The following DCST1 variants were observed in gnomAD, a reference collection of about 807,000 sequenced individuals.
DCST1 encodes DC-STAMP domain containing 1.
Under a neutral mutation model 89.1 loss-of-function variants are expected in DCST1, and 78 were observed. The ratio of observed to expected loss-of-function variants is 0.88; its 90% CI spans 0.73 to 1.06. DCST1 has a LOEUF of 1.06. Among genes scored for constraint, DCST1 ranks in the 50% least tolerant of loss-of-function variants. DCST1 has a pLI of 0.00. For synonymous variants in DCST1, 364 were observed against 371.9 expected (o/e 0.98, Z 0.24); for missense variants, 900 against 928.6 (o/e 0.97, Z 0.40).
chr1:155,047,655 C>T, intron 14 of DCST1, 132 bp from the exon 15 acceptor site: 1 of 776,346 alleles, frequency 1.3e-6, no homozygotes, highest in Non-Finnish European at 2.1e-6. Context: ...GGCAGTTCTG[C>T]AGTGAGGGGC....
intron 9 of DCST1, 23 bp downstream of exon 9, chr1:155,042,879 G>C: frequency 1.2e-6 from 2 of 1,613,720 alleles, no homozygotes; most frequent in Non-Finnish European, 1.7e-6. Context: ...GGCGAGGGTT[G>C]GTGGGGGGTA....
chr1:155,041,322 G>A, intron 6 of DCST1, 75 bp from the exon 7 acceptor site: 2 of 1,497,094 alleles, frequency 1.3e-6, no homozygotes, highest in Non-Finnish European at 1.8e-6. Context: ...GCTACTGGGG[G>A]AGGACAGGCC....
rs769775066 is a variant in DCST1 at position 155,041,686 on chromosome 1, C to G, written c.749-28C>G. 1.4e-5 allele frequency: 22 copies of G among 1,614,016 alleles called. No homozygotes were observed. In the Admixed American group the frequency reaches 2.7e-4, roughly 20 times the overall value. ...AGCATTGTGGATCAAGATGTGGGAA[C>G]CTCAGACACCCTTGCTCCTTCCTAC... On this transcript the variant is annotated intron_variant, in intron 7 of 16. Transcript: ENST00000295542.
At chr1:155,050,286 A>G (rs564478713) in intron 16 of DCST1, among the ~76,000 whole-genome samples, 146 of 152,360 alleles carry the variant, frequency 9.6e-4, no homozygotes, top group Middle Eastern at 3.4e-3. Flanking sequence ...TCTCAACTGT[A>G]AAGTGGGGAT....
intron 16 of DCST1, among the ~76,000 whole-genome samples, chr1:155,048,528 G>C (rs1273887754): frequency 2.0e-5 from 3 of 152,166 alleles, no homozygotes; most frequent in African/African-American, 7.2e-5. Flanking sequence ...TCAAACTCCT[G>C]ACCTCAGGTG....
Position 155,040,493 on chromosome 1 carries a change from G to A in DCST1, c.400G>A (p.Ala134Thr), listed in dbSNP as rs573200796. 4.4e-5 allele frequency: 71 copies of A among 1,599,376 alleles called. No individual in the cohort carries two copies. In the East Asian group the frequency reaches 1.5e-3, roughly 34 times the overall value. Residue 134 changes from alanine (A) to threonine (T), a missense_variant, in exon 6 of 17, where the codon GCC becomes ACC. By Grantham distance (58) the Ala-to-Thr change is moderately conservative. Transcript: ENST00000295542. ...ALAAIYVGPV[A>T]NLRHNLNNVI... ...AGGGCCTCTTTCTCCAGGGCCAGTA[G>A]CCAATCTGCGACACAATCTCAACAA... is the stretch of plus-strand genomic sequence containing the variant.
Position 155,041,458 on chromosome 1 carries a change from A to T in DCST1, c.593A>T (p.Asp198Val). Residue 198 changes from aspartate to valine, a missense_variant, in exon 7 of 17, where the codon GAT becomes GTT. Physicochemically the swap from Asp to Val is radical, Grantham distance 152 (BLOSUM62 -3). Coordinates refer to ENST00000295542, the MANE Select transcript of DCST1 (RefSeq NM_152494.4). Reference sequence around the variant, plus strand: ...ATCTCCGCCACTTTTGAGGACCTGGATGCCCAGGTGAATAGTGAGACGGGC... The same window carrying T: ...ATCTCCGCCACTTTTGAGGACCTGGTTGCCCAGGTGAATAGTGAGACGGGC... The part of the protein sequence containing the change: ...RNISATFEDL[D>V]AQVNSETGYT... 6.2e-7 allele frequency: 1 copy of T among 1,614,054 alleles called. No homozygotes were observed. Among genetic ancestry groups the T allele is most frequent in the Non-Finnish European group, 8.5e-7 (1 of 1,180,020 alleles).
chr1:155,036,898 G>T (rs1369695308), intron 4 of DCST1, among the ~76,000 whole-genome samples: 1 of 152,346 alleles, frequency 6.6e-6, no homozygotes, highest in Non-Finnish European at 1.5e-5. Flanking sequence ...GAGTGCACAC[G>T]TCCGTGCCCT....
intron 8 of DCST1, among the ~76,000 whole-genome samples, chr1:155,042,226 G>A (rs1338399032): frequency 2.0e-5 from 3 of 152,100 alleles, no homozygotes; most frequent in South Asian, 4.1e-4. Context: ...AGCCTCCTGA[G>A]TAGCTGGGAT....
intron 4 of DCST1, among the ~76,000 whole-genome samples, chr1:155,038,149 G>C (rs2102352303): frequency 6.6e-6 from 1 of 152,372 alleles, no homozygotes; most frequent in Non-Finnish European, 1.5e-5. Flanking sequence ...AGTGCTCCTG[G>C]CAGGGGGAAC....
chr1:155,040,222 G>C (rs1436819021), intron 5 of DCST1, among the ~76,000 whole-genome samples: 1 of 149,868 alleles, frequency 6.7e-6, no homozygotes, highest in Non-Finnish European at 1.5e-5. Flanking sequence ...AGAATCGCTT[G>C]AGCCCGGGAG....
At chr1:155,038,516 G>A (rs984872265) in intron 4 of DCST1, among the ~76,000 whole-genome samples, 1 of 152,210 alleles carries the variant, frequency 6.6e-6, no homozygotes, top group African/African-American at 2.4e-5. Context: ...CACGACAGTG[G>A]AGATGGAGGA....
In DCST1 at chr1:155,050,811, A is replaced by T; in HGVS notation, c.2064A>T (p.Glu688Asp). The T allele has an allele frequency of 1.2e-6, 2 of 1,612,788 alleles. No individual in the cohort carries two copies. The highest frequency in any genetic ancestry group is 1.7e-6 in the Non-Finnish European group (2 of 1,179,558). Residue 688 changes from glutamate to aspartate, a missense_variant, in exon 17 of 17, where the codon GAA becomes GAT. Coordinates refer to ENST00000295542, the MANE Select transcript of DCST1 (RefSeq NM_152494.4). ...RQRCPVCTPR[E>D]ELSSSAFSDS... Reference sequence around the variant, plus strand: ...GGTGCCCGGTCTGCACGCCCCGCGAAGAGCTCTCTTCCTCCGCCTTTAGTG... The same window carrying T: ...GGTGCCCGGTCTGCACGCCCCGCGATGAGCTCTCTTCCTCCGCCTTTAGTG...
chr1:155,047,849 G>T lies in DCST1; in HGVS notation c.1675G>T (p.Gly559Cys). The T allele has an allele frequency of 6.2e-7, 1 of 1,614,118 alleles. No individual in the cohort carries two copies. The highest frequency in any genetic ancestry group is 8.5e-7 in the Non-Finnish European group (1 of 1,179,972). The change falls in exon 15 of 17, where the codon GGC (glycine) becomes TGC (cysteine). Residue 559 changes from glycine to cysteine, a missense_variant. Gly to Cys is a radical substitution (Grantham distance 159). Coordinates refer to ENST00000295542, the MANE Select transcript of DCST1 (RefSeq NM_152494.4). ...RAYWRAAVPIGLLVCLCLLQA... is the reference protein window; with the variant it reads ...RAYWRAAVPICLLVCLCLLQA... ...CTACTGGAGAGCTGCAGTACCGATTGGCCTGTTAGTGTGTCTCTGCCTGTT... is the reference window on the plus strand; with the variant it reads ...CTACTGGAGAGCTGCAGTACCGATTTGCCTGTTAGTGTGTCTCTGCCTGTT...
chr1:155,040,230 G>A (rs1660397825), intron 5 of DCST1, among the ~76,000 whole-genome samples: 1 of 150,124 alleles, frequency 6.7e-6, no homozygotes, highest in Non-Finnish European at 1.5e-5. Flanking sequence ...TTGAGCCCGG[G>A]AGGCGGAGGT....
rs762744958 is a variant in DCST1 at position 155,040,597 on chromosome 1, C to T, written c.504C>T (p.Pro168=). 5 of 1,582,696 alleles carry T rather than the reference C, an allele frequency of 3.2e-6. No individual in the cohort carries two copies. In the South Asian group the frequency reaches 3.5e-5, roughly 11 times the overall value. The stretch of plus-strand genomic sequence containing the variant: ...CAGCTTGGCGCATCTCCACAGCCCC[C>T]TTACGGGCCATGTTCAAGGACCTGC... ...TRAAWRISTA[P]LRAMFKDLLS... The change falls in exon 6 of 17, where the codon CCC becomes CCT. Residue 168 remains proline (P), a synonymous_variant. Transcript: ENST00000295542.
chr1:155,035,163 T>C (rs1270652724), intron 4 of DCST1: 1 of 190,922 alleles, frequency 5.2e-6, no homozygotes, highest in Non-Finnish European at 1.1e-5. Context: ...TTTGTTTGTA[T>C]GTTTTTGTTT....
Position 155,050,625 on chromosome 1 carries a change from G to A in DCST1, c.1878G>A (p.Pro626=), listed in dbSNP as rs1258359492. Residue 626 remains proline, a synonymous_variant, in exon 17 of 17, where the codon CCG becomes CCA. Coordinates refer to ENST00000295542, the MANE Select transcript of DCST1 (RefSeq NM_152494.4). ...CGCCCACCTCCCAACAGCGCCACCC[G>A]CTGGCGGATATCCTGCACCGCGGCT... ...RERQQKAPRH[P]LADILHRGCP... 2 of 1,581,308 alleles carry A rather than the reference G, an allele frequency of 1.3e-6. No individual in the cohort carries two copies. Among genetic ancestry groups the A allele is most frequent in the Admixed American group, 3.4e-5 (2 of 59,064 alleles).
At chr1:155,043,109 G>A (rs1660485290) in intron 9 of DCST1, among the ~76,000 whole-genome samples, 1 of 152,122 alleles carries the variant, frequency 6.6e-6, no homozygotes, top group South Asian at 2.1e-4. Flanking sequence ...CCTGTGGTTT[G>A]TGCAGACTTG....
Sources: gnomAD v4.1 joint callset for allele counts (sites outside exome capture counted in the v4.1 genomes callset) on GRCh38, gnomAD v4.1.1 for gene constraint, MANE v1.5 for transcripts, NCBI Gene and HGNC (gene_info 2026-07-23, HGNC 2026-07-21) for gene names.